ITFG1: variants seen among roughly 807,000 people sequenced by gnomAD.
The protein encoded by ITFG1 is T-cell immunomodulatory protein.
In ITFG1, 34 loss-of-function variants were observed where a neutral mutation model predicts 81.8. The ratio of observed to expected loss-of-function variants is 0.42; its 90% CI spans 0.32 to 0.55. The LOEUF is 0.55. Ranked by LOEUF, ITFG1 falls within the 20% of genes least tolerant of loss-of-function variation. The probability of loss-of-function intolerance (pLI) is 0.17; values close to 1 mark genes in which losing one functional copy is unlikely to be tolerated. For missense variants in ITFG1, 672 were observed against 755.4 expected, an observed-to-expected ratio of 0.89 and a Z score of 1.29; for synonymous variants, 285 against 270.6, an observed-to-expected ratio of 1.05 and a Z score of -0.52.
chr16:47,254,228 A>T (rs1274997693), intron 12 of ITFG1, among the ~76,000 whole-genome samples: 1 of 151,818 alleles, frequency 6.6e-6, no homozygotes, highest in African/African-American at 2.4e-5. Context: ...TTTTGTAATT[A>T]AAAAAAATGT....
chr16:47,354,352 C>A (rs1567471906), intron 8 of ITFG1, among the ~76,000 whole-genome samples: 1 of 151,966 alleles, frequency 6.6e-6, no homozygotes, highest in Non-Finnish European at 1.5e-5. Context: ...TTTCTACATG[C>A]AGAAGAATGA....
chr16:47,228,757 T>G (rs1263053791), intron 13 of ITFG1, among the ~76,000 whole-genome samples: 1 of 152,212 alleles, frequency 6.6e-6, no homozygotes, highest in Non-Finnish European at 1.5e-5. Context: ...ATTGAAAAGA[T>G]TAAAAAGTTA....
chr16:47,386,275 A>T (rs1968460724), intron 6 of ITFG1, among the ~76,000 whole-genome samples: 12 of 152,206 alleles, frequency 7.9e-5, no homozygotes. Context: ...TCAGACAAGA[A>T]GAGCAAGAGC....
At chr16:47,327,913 G>C (rs1967576473) in intron 8 of ITFG1, among the ~76,000 whole-genome samples, 1 of 152,150 alleles carries the variant, frequency 6.6e-6, no homozygotes, top group African/African-American at 2.4e-5. Flanking sequence ...AAGTCGGTGT[G>C]GCAATTCCTC....
intron 6 of ITFG1, among the ~76,000 whole-genome samples, chr16:47,426,940 T>C (rs1969028222): frequency 1.3e-5 from 2 of 152,176 alleles, no homozygotes; most frequent in Non-Finnish European, 2.9e-5. Flanking sequence ...AATGTAACTG[T>C]AAAATCAGAC....
intron 13 of ITFG1, among the ~76,000 whole-genome samples, chr16:47,235,891 A>ATC: frequency 6.6e-6 from 1 of 152,342 alleles, no homozygotes; most frequent in South Asian, 2.1e-4. Context: ...TTACATGCTG[A>ATC]TAAAATTGTG....
intron 6 of ITFG1, among the ~76,000 whole-genome samples, chr16:47,385,546 T>C (rs1015211702): frequency 6.6e-6 from 1 of 152,220 alleles, no homozygotes; most frequent in South Asian, 2.1e-4. Context: ...ATATTAAAAA[T>C]ATTAAGGCTT....
intron 5 of ITFG1, among the ~76,000 whole-genome samples, chr16:47,443,816 G>A (rs1969287691): frequency 6.6e-6 from 1 of 152,126 alleles, no homozygotes; most frequent in Admixed American, 6.5e-5. Flanking sequence ...GTTAATGGGT[G>A]CAGCACACCA....
chr16:47,285,281 TC>T (rs1307402472), intron 10 of ITFG1, among the ~76,000 whole-genome samples: 1 of 152,148 alleles, frequency 6.6e-6, no homozygotes, highest in Non-Finnish European at 1.5e-5. Flanking sequence ...TCAGTAAACA[TC>T]CGAGCTGAAC....
At chr16:47,241,910 C>T (rs1397397942) in intron 12 of ITFG1, among the ~76,000 whole-genome samples, 2 of 150,186 alleles carry the variant, frequency 1.3e-5, no homozygotes, top group Admixed American at 6.7e-5. Context: ...GCTGAGATCG[C>T]GCCACTGCTC....
intron 10 of ITFG1, among the ~76,000 whole-genome samples, chr16:47,288,480 T>C (rs939671065): frequency 1.3e-5 from 2 of 152,174 alleles, no homozygotes; most frequent in African/African-American, 2.4e-5. Flanking sequence ...ATGGCAGGTA[T>C]GATAGTTCTA....
intron 14 of ITFG1, among the ~76,000 whole-genome samples, chr16:47,171,029 CTTTTTTT>C (rs61494352): frequency 1.0e-5 from 1 of 97,740 alleles, no homozygotes; most frequent in Non-Finnish European, 2.1e-5. Context: ...GCCACTGTGC[CTTTTTTT>C]TTTTTTTTTT....
intron 8 of ITFG1, among the ~76,000 whole-genome samples, chr16:47,337,555 G>A (rs982714561): frequency 6.6e-6 from 1 of 152,186 alleles, no homozygotes; most frequent in African/African-American, 2.4e-5. Flanking sequence ...GGGTGACAGA[G>A]TGAGACTCTG....
chr16:47,337,708 T>TA (rs947503271), intron 8 of ITFG1, among the ~76,000 whole-genome samples: 1 of 152,008 alleles, frequency 6.6e-6, no homozygotes, highest in Non-Finnish European at 1.5e-5. Context: ...CGACAGAAGG[T>TA]AAAAAAACAC....
intron 6 of ITFG1, among the ~76,000 whole-genome samples, chr16:47,382,954 T>G (rs183385159): frequency 5.3e-4 from 81 of 152,214 alleles, no homozygotes; most frequent in African/African-American, 1.7e-3. Context: ...TTGTGGTAAG[T>G]TAATGGTCCC....
chr16:47,278,360 T>C (rs1052719273), intron 10 of ITFG1, among the ~76,000 whole-genome samples: 3 of 152,184 alleles, frequency 2.0e-5, no homozygotes, highest in East Asian at 1.9e-4. Flanking sequence ...TGAAAGGTGA[T>C]TGGAAGACGC....
intron 13 of ITFG1, among the ~76,000 whole-genome samples, chr16:47,234,114 G>C (rs1378774079): frequency 6.6e-6 from 1 of 151,822 alleles, no homozygotes; most frequent in African/African-American, 2.4e-5. Flanking sequence ...CATGCAGAAA[G>C]GCAAAAGACA....
intron 14 of ITFG1, among the ~76,000 whole-genome samples, chr16:47,178,722 A>C (rs1246072774): frequency 6.6e-6 from 1 of 152,376 alleles, no homozygotes; most frequent in East Asian, 1.9e-4. Flanking sequence ...CAAAATTGAC[A>C]AATGGGATCT....
chr16:47,449,330 A>C (rs1412463371), intron 5 of ITFG1: 1 of 152,236 alleles, frequency 6.6e-6, no homozygotes. Context: ...ATAACCCAAA[A>C]TGTCAATGCT....
Sources: allele counts gnomAD v4.1 joint callset (sites outside exome capture counted in the v4.1 genomes callset), GRCh38; gene constraint gnomAD v4.1.1; transcripts MANE v1.5; gene names NCBI Gene and HGNC (gene_info 2026-07-23, HGNC 2026-07-21).